The following TLDC2 variants were observed in gnomAD, a reference collection of about 807,000 sequenced individuals.
TLDC2 encodes the protein TLD domain-containing protein 2.
TLDC2 carries 23 observed loss-of-function variants against 27.9 expected under a neutral mutation model. The observed-to-expected ratio is 0.82, with a 90% confidence interval of 0.59 to 1.17. The LOEUF is 1.17. Among genes scored for constraint, TLDC2 ranks in the 50% most tolerant of loss-of-function variants. The pLI is 0.00. For missense variants in TLDC2, 286 were observed against 273.4 expected, an observed-to-expected ratio of 1.05 and a Z score of -0.32; for synonymous variants, 124 against 107.4, an observed-to-expected ratio of 1.16 and a Z score of -0.96.
Position 36,880,070 on chromosome 20 carries a change from C to CATATATATATATATATATGTATATAT in TLDC2, c.343-567_343-566insGTATATATATATATATATATATATAT, listed in dbSNP as rs1989768393. ...ATTACTTGTGTAGAATATATATATA[C>CATATATATATATATATATGTATATAT]ATATATATATATATATATATATATA... On this transcript the variant is annotated intron_variant, in intron 3 of 6. Transcript: ENST00000217320. Among the ~76,000 whole-genome samples, 9 of 73,060 alleles carry CATATATATATATATATATGTATATAT rather than the reference C, an allele frequency of 1.2e-4. 1 individual carries two copies. Among genetic ancestry groups the CATATATATATATATATATGTATATAT allele is most frequent in the Admixed American group, 1.8e-4 (1 of 5,592 alleles). The allele number at this position is 73,060 out of a possible 152,430, so 47.9% of individuals were successfully genotyped here.
chr20:36,881,128 T>C (rs1442909150), intron 4 of TLDC2, among the ~76,000 whole-genome samples: 2 of 152,100 alleles, frequency 1.3e-5, no homozygotes, highest in Non-Finnish European at 2.9e-5. Context: ...ATGCCTGTAA[T>C]CCTACTTTGG....
At chr20:36,880,093 A>ATGTGTGTGTG (rs1415704794) in intron 3 of TLDC2, among the ~76,000 whole-genome samples, 25 of 43,144 alleles carry the variant, frequency 5.8e-4, no homozygotes, top group Middle Eastern at 0.017. Context: ...ATATATATAT[A>ATGTGTGTGTG]TATATATACT....
rs1267617717 is a variant in TLDC2 at position 36,879,118 on chromosome 20, C to T, written c.267C>T (p.Ser89=). 6.2e-7 allele frequency: 1 copy of T among 1,614,144 alleles called. No individual in the cohort carries two copies. Among genetic ancestry groups the T allele is most frequent in the African/African-American group, 1.3e-5 (1 of 75,032 alleles). The part of the protein sequence containing the change: ...LVFCTSRDGF[S]LQSLYRRMEG... Reference sequence around the variant, plus strand: ...TCTGCACGTCAAGGGACGGTTTCAGCCTGCAGAGCCTGTACCGGCGGATGG... The same window carrying T: ...TCTGCACGTCAAGGGACGGTTTCAGTCTGCAGAGCCTGTACCGGCGGATGG... The change falls in exon 3 of 7, where the codon AGC becomes AGT. Residue 89 remains serine, a synonymous_variant. Transcript: ENST00000217320.
At chr20:36,890,507 G>A (rs1049251294) in intron 6 of TLDC2, 4 of 148,884 alleles carry the variant, frequency 2.7e-5, no homozygotes, top group East Asian at 2.0e-4. Context: ...TCTTGACCCC[G>A]AGGCTGGAGT....
chr20:36,887,977 G>A (rs1399910600), intron 5 of TLDC2, among the ~76,000 whole-genome samples: 4 of 152,078 alleles, frequency 2.6e-5, no homozygotes, highest in Admixed American at 1.3e-4. Context: ...GGGGGCATGC[G>A]TCTTATCCTG....
rs941224275 is a variant in TLDC2, at chr20:36,891,454, C to G, written c.*18-1408C>G. 4 of 152,320 alleles carry G rather than the reference C, an allele frequency of 2.6e-5. No individual in the cohort carries two copies. The East Asian group carries it at 7.7e-4, about 29-fold the overall frequency. The allele number at this position is 152,320 out of a possible 1,614,324, so 9.4% of individuals were successfully genotyped here. On this transcript the variant is annotated intron_variant, in intron 6 of 6. Transcript: ENST00000217320. Reference sequence around the variant, plus strand: ...AGCAGAAGACATTCGGGGCTCATGGCTCCCATCCCCACTGGCCTGTATCTT... The same window carrying G: ...AGCAGAAGACATTCGGGGCTCATGGGTCCCATCCCCACTGGCCTGTATCTT...
Position 36,893,016 on chromosome 20 carries a change from G to A in TLDC2, c.*172G>A, listed in dbSNP as rs35102927. ...TTGGATTTTGGACTGAAGTACTGTC[G>A]TTCCATTCCTTTTTTTGAGGTGTTA... On this transcript the variant is annotated 3_prime_UTR_variant, in exon 7 of 7. Coordinates refer to ENST00000217320, the MANE Select transcript of TLDC2 (RefSeq NM_080628.3). 353 of 1,613,894 alleles carry A rather than the reference G, an allele frequency of 2.2e-4. No homozygotes were observed. In the African/African-American group the frequency reaches 3.4e-3, roughly 16 times the overall value.
At chr20:36,887,654 C>T in intron 5 of TLDC2, 126 bp downstream of exon 5, 1 of 876,120 alleles carries the variant, frequency 1.1e-6, no homozygotes, top group Non-Finnish European at 1.9e-6. Context: ...TCAGGCCGTT[C>T]CCCTCATTGC....
rs1485640028 is a variant in TLDC2 at position 36,893,152 on chromosome 20, A to T, written c.*308A>T. Reference sequence around the variant, plus strand: ...CTGAGTGAAAGTCTCAAGTGCGCACATCCTCATCTTGCATATAGATTGCTT... The same window carrying T: ...CTGAGTGAAAGTCTCAAGTGCGCACTTCCTCATCTTGCATATAGATTGCTT... On this transcript the variant is annotated 3_prime_UTR_variant, in exon 7 of 7. Coordinates refer to ENST00000217320, the MANE Select transcript of TLDC2 (RefSeq NM_080628.3). 1.3e-6 allele frequency: 2 copies of T among 1,516,106 alleles called. No individual in the cohort carries two copies. The highest frequency in any genetic ancestry group is 1.8e-6 in the Non-Finnish European group (2 of 1,103,906). 93.9% of individuals were successfully genotyped at this position (1,516,106 alleles called of 1,614,324 possible). A position where few individuals can be genotyped will look rare whatever the true frequency, so the allele number is the denominator to read the frequency against.
intron 4 of TLDC2, 89 bp downstream of exon 4, chr20:36,880,839 C>T (rs1447263609): frequency 6.0e-6 from 7 of 1,172,252 alleles, no homozygotes; most frequent in East Asian, 2.3e-5. Context: ...CCATCCTCCA[C>T]GATGGGCTGC....
chr20:36,892,752 G>C, intron 6 of TLDC2, 110 bp from the exon 7 acceptor site: 1 of 763,242 alleles, frequency 1.3e-6, no homozygotes, highest in Non-Finnish European at 2.3e-6. Flanking sequence ...TCATAGTATA[G>C]TAAGATTTGC....
In TLDC2 at chr20:36,893,409, C is replaced by A; in HGVS notation, c.*565C>A. 1 of 383,910 alleles carries A rather than the reference C, an allele frequency of 2.6e-6. No homozygotes were observed. 23.8% of individuals were successfully genotyped at this position (383,910 alleles called of 1,614,324 possible). On this transcript the variant is annotated 3_prime_UTR_variant, in exon 7 of 7. Coordinates refer to ENST00000217320, the MANE Select transcript of TLDC2 (RefSeq NM_080628.3). ...AGGAGAAAGACGGGATGCACTGAAC[C>A]CCTAGCTTCTCTCTCGCCTGGTCCC...
At chr20:36,891,652 T>G (rs1990076813) in intron 6 of TLDC2, 1 of 152,022 alleles carries the variant, frequency 6.6e-6, no homozygotes, top group African/African-American at 2.4e-5. Context: ...TGGAGCCCAC[T>G]GGGTGGTCAC....
chr20:36,889,306 T>C lies in TLDC2; in HGVS notation c.568T>C (p.Cys190Arg), dbSNP rs770717852. Residue 190 changes from cysteine (C) to arginine (R), a missense_variant, in exon 6 of 7, where the codon TGC (cysteine) becomes CGC (arginine). By Grantham distance (180) the Cys-to-Arg change is radical. Coordinates refer to ENST00000217320, the MANE Select transcript of TLDC2 (RefSeq NM_080628.3). ...GDLFRGGSSP[C>R]PTFNNEVLAR... is the part of the protein sequence containing the mutation. The stretch of plus-strand genomic sequence containing the variant: ...CTTGTTCCGCGGGGGAAGCTCCCCT[T>C]GCCCGACCTTCAACAACGAGGTGCT... 4.3e-6 allele frequency: 7 copies of C among 1,614,208 alleles called. No individual in the cohort carries two copies. The South Asian group carries it at 5.5e-5, about 13-fold the overall frequency.
chr20:36,879,768 G>C (rs1424807749), intron 3 of TLDC2, among the ~76,000 whole-genome samples: 2 of 151,714 alleles, frequency 1.3e-5, no homozygotes, highest in African/African-American at 4.8e-5. Context: ...ACTGGGGCCA[G>C]GGGTGTTGCA....
chr20:36,878,473 C>T (rs376641765), intron 2 of TLDC2, among the ~76,000 whole-genome samples: 6 of 151,998 alleles, frequency 3.9e-5, no homozygotes, highest in Admixed American at 1.3e-4. Flanking sequence ...CTCAGCTACT[C>T]GGGAGGCTGA....
intron 4 of TLDC2, among the ~76,000 whole-genome samples, 176 bp from the exon 5 acceptor site, chr20:36,887,279 C>T (rs1989940663): frequency 6.6e-6 from 1 of 151,820 alleles, no homozygotes; most frequent in Admixed American, 6.6e-5. Flanking sequence ...GTGGTGACTC[C>T]AAGGAGACTG....
rs1325898398 is a variant in TLDC2 at position 36,879,109 on chromosome 20, C to T, written c.258C>T (p.Asp86=). 9 of 1,614,124 alleles carry T rather than the reference C, an allele frequency of 5.6e-6. No individual in the cohort carries two copies. Among genetic ancestry groups the T allele is most frequent in the South Asian group, 3.3e-5 (3 of 91,086 alleles). ...PWSLVFCTSR[D]GFSLQSLYRR... is the part of the protein sequence containing the mutation. Reference sequence around the variant, plus strand: ...GTCTGGTCTTCTGCACGTCAAGGGACGGTTTCAGCCTGCAGAGCCTGTACC... The same window carrying T: ...GTCTGGTCTTCTGCACGTCAAGGGATGGTTTCAGCCTGCAGAGCCTGTACC... The change falls in exon 3 of 7, where the codon GAC becomes GAT. Residue 86 remains aspartate (D), a synonymous_variant. Coordinates refer to ENST00000217320, the MANE Select transcript of TLDC2 (RefSeq NM_080628.3).
At chr20:36,879,013 C>T (rs1399447514) in intron 2 of TLDC2, 28 bp from the exon 3 acceptor site, 8 of 1,614,118 alleles carry the variant, frequency 5.0e-6, no homozygotes, top group South Asian at 1.1e-5. Context: ...AGGAGAACTC[C>T]TCCATTCACC....
Sources: allele counts gnomAD v4.1 joint callset (sites outside exome capture counted in the v4.1 genomes callset), GRCh38; gene constraint gnomAD v4.1.1; transcripts MANE v1.5; gene names NCBI Gene and HGNC (gene_info 2026-07-23, HGNC 2026-07-21).